PCDHB14: variants seen among roughly 807,000 people sequenced by gnomAD.
PCDHB14 encodes protocadherin beta-14.
For synonymous variants in PCDHB14, 511 were observed against 441.5 expected (o/e 1.16, Z -1.97); for missense variants, 1,129 against 1,000.5 (o/e 1.13, Z -1.73).
At position 141,225,050 on chromosome 5, in the gene PCDHB14, C is replaced by T. The variant is rs782056664; in HGVS notation, c.1545C>T (p.Ala515=). The stretch of plus-strand genomic sequence containing the variant: ...ACGCGGACAATGGCCACCTGTTTGC[C>T]CTCAGGTCGCTGGACTACGAGGCCC... ...SINADNGHLF[A]LRSLDYEALQ... is the part of the protein sequence containing the mutation. The change falls in exon 1 of 1, where the codon GCC becomes GCT. Residue 515 remains alanine, a synonymous_variant. Transcript: ENST00000239449. 1.2e-6 allele frequency: 2 copies of T among 1,612,568 alleles called. No homozygotes were observed. The highest frequency in any genetic ancestry group is 2.2e-5 in the East Asian group (1 of 44,888).
rs782722658 is a variant in PCDHB14 at position 141,225,214 on chromosome 5, C to T, written c.1709C>T (p.Ala570Val). The change falls in exon 1 of 1, where the codon GCG becomes GTG. Residue 570 changes from alanine to valine, a missense_variant. By Grantham distance (64) the Ala-to-Val change is moderately conservative. Transcript: ENST00000239449. Reference protein sequence around the residue: ...FVLYPLQNGSAPCTELVPRAA... With the variant: ...FVLYPLQNGSVPCTELVPRAA... Reference sequence around the variant, plus strand: ...CTGTACCCGCTGCAGAACGGCTCCGCGCCCTGCACCGAGCTGGTGCCCCGG... The same window carrying T: ...CTGTACCCGCTGCAGAACGGCTCCGTGCCCTGCACCGAGCTGGTGCCCCGG... 1.9e-5 allele frequency: 30 copies of T among 1,605,128 alleles called. No individual in the cohort carries two copies. The South Asian group carries it at 1.9e-4, about 10-fold the overall frequency.
chr5:141,224,636 C>T lies in PCDHB14; in HGVS notation c.1131C>T (p.Asp377=), dbSNP rs1554289210. The stretch of plus-strand genomic sequence containing the variant: ...GTATCCTAGACCAAGACTCTGGAGA[C>T]AATGGGAGGATGATTTGCTCTATTC... ...LFSILDQDSG[D]NGRMICSIQD... The change falls in exon 1 of 1, where the codon GAC becomes GAT. Residue 377 remains aspartate (D), a synonymous_variant. Coordinates refer to ENST00000239449, the MANE Select transcript of PCDHB14 (RefSeq NM_018934.4). 6.2e-7 allele frequency: 1 copy of T among 1,614,142 alleles called. No individual in the cohort carries two copies. The highest frequency in any genetic ancestry group is 1.1e-5 in the South Asian group (1 of 91,084).
Position 141,225,294 on chromosome 5 carries a change from G to A in PCDHB14, c.1789G>A (p.Gly597Ser), listed in dbSNP as rs1554289405. ...TKVVAVDGDS[G>S]QNAWLSYQLL... is the part of the protein sequence containing the mutation. ...GGTGGTGGCGGTGGACGGCGACTCG[G>A]GCCAGAACGCCTGGCTGTCGTACCA... Residue 597 changes from glycine to serine, a missense_variant, in exon 1 of 1, where the codon GGC (glycine) becomes AGC (serine). Coordinates refer to ENST00000239449, the MANE Select transcript of PCDHB14 (RefSeq NM_018934.4). 5.6e-6 allele frequency: 9 copies of A among 1,598,530 alleles called. No homozygotes were observed. The highest frequency in any genetic ancestry group is 7.6e-6 in the Non-Finnish European group (9 of 1,177,690).
rs782032049 is a variant in PCDHB14 at position 141,225,134 on chromosome 5, C to T, written c.1629C>T (p.Ser543=). 10 of 1,611,748 alleles carry T rather than the reference C, an allele frequency of 6.2e-6. No individual in the cohort carries two copies. In the Admixed American group the frequency reaches 1.7e-4, roughly 27 times the overall value. Residue 543 remains serine (S), a synonymous_variant, in exon 1 of 1, where the codon AGC becomes AGT. Transcript: ENST00000239449. ...ATDRGSPALS[S]EALVRVLVLD... is the part of the protein sequence containing the mutation. ...ACCGCGGGTCCCCGGCGTTGAGCAG[C>T]GAGGCGCTGGTGCGCGTGCTGGTGC...
Position 141,223,670 on chromosome 5 carries a change from G to C in PCDHB14, c.165G>C (p.Gly55=). The change falls in exon 1 of 1, where the codon GGG becomes GGC. Residue 55 remains glycine (G), a synonymous_variant. Transcript: ENST00000239449. ...VANLARDLGL[G]VEELSSREAR... ...ATCTAGCGAGGGACCTAGGGCTGGGGGTGGAGGAGCTGTCTTCACGTGAAG... is the reference window on the plus strand; with the variant it reads ...ATCTAGCGAGGGACCTAGGGCTGGGCGTGGAGGAGCTGTCTTCACGTGAAG... 6.2e-7 allele frequency: 1 copy of C among 1,614,146 alleles called. No homozygotes were observed. The highest frequency in any genetic ancestry group is 8.5e-7 in the Non-Finnish European group (1 of 1,180,018).
Position 141,226,834 on chromosome 5 carries a change from T to C in PCDHB14, c.*932T>C, listed in dbSNP as rs1374229747. ...CGATCTGCCCGCCTTAGCTAGTTTT[T>C]TGTTTTTGTTTTTTGAGACAAAGTC... On this transcript the variant is annotated 3_prime_UTR_variant, in exon 1 of 1. Coordinates refer to ENST00000239449, the MANE Select transcript of PCDHB14 (RefSeq NM_018934.4). 1 of 152,314 alleles carries C rather than the reference T, an allele frequency of 6.6e-6. No individual in the cohort carries two copies. The highest frequency in any genetic ancestry group is 1.5e-5 in the Non-Finnish European group (1 of 68,152). 9.4% of individuals were successfully genotyped at this position (152,314 alleles called of 1,614,324 possible).
rs1564003970 is a variant in PCDHB14, at chr5:141,226,876, G to C, written c.*974G>C. The C allele has an allele frequency of 6.6e-6, 1 of 152,284 alleles. No homozygotes were observed. Among genetic ancestry groups the C allele is most frequent in the East Asian group, 1.9e-4 (1 of 5,206 alleles). 9.4% of individuals were successfully genotyped at this position (152,284 alleles called of 1,614,324 possible). ...GACAAAGTCTCACTTTGTTGTCCAG[G>C]CTAGAGAGTAGTGGCAGGATCTTGG... On this transcript the variant is annotated 3_prime_UTR_variant, in exon 1 of 1. Coordinates refer to ENST00000239449, the MANE Select transcript of PCDHB14 (RefSeq NM_018934.4).
rs1412904261 is a variant in PCDHB14, at chr5:141,226,441, A to G, written c.*539A>G. 6.6e-6 allele frequency: 1 copy of G among 152,636 alleles called. No homozygotes were observed. The highest frequency in any genetic ancestry group is 1.9e-4 in the East Asian group (1 of 5,196). The allele number at this position is 152,636 out of a possible 1,614,324, so 9.5% of individuals were successfully genotyped here. On this transcript the variant is annotated 3_prime_UTR_variant, in exon 1 of 1. Coordinates refer to ENST00000239449, the MANE Select transcript of PCDHB14 (RefSeq NM_018934.4). ...TTTATGATGAAACTTAAGTGGTCAC[A>G]TTGGAAATTATTAATTTCTTAAGTA... is the stretch of plus-strand genomic sequence containing the variant.
chr5:141,225,592 C>A lies in PCDHB14; in HGVS notation c.2087C>A (p.Ser696Ter). 3 of 1,611,510 alleles carry A rather than the reference C, an allele frequency of 1.9e-6. No homozygotes were observed. The highest frequency in any genetic ancestry group is 2.5e-6 in the Non-Finnish European group (3 of 1,179,816). Residue 696 changes from serine (S) to a stop codon, truncating the protein, a stop_gained, in exon 1 of 1, where the codon TCG (serine) becomes TAG (stop). Transcript: ENST00000239449. LOFTEE classifies it low-confidence loss of function (END_TRUNC). The stretch of plus-strand genomic sequence containing the variant: ...GTCTACCTGGTGGTGGCATTGGCCT[C>A]GGTGTCGTCGCTCTTCCTCTTCTCG... ...LTVYLVVALA[S>*]VSSLFLFSVL...
At position 141,225,316 on chromosome 5, in the gene PCDHB14, A is replaced by G. The variant is rs782082546; in HGVS notation, c.1811A>G (p.Tyr604Cys). 3.7e-6 allele frequency: 6 copies of G among 1,600,530 alleles called. No homozygotes were observed. In the Admixed American group the frequency reaches 1.0e-4, roughly 27 times the overall value. Residue 604 changes from tyrosine (Y) to cysteine (C), a missense_variant, in exon 1 of 1, where the codon TAC (tyrosine) becomes TGC (cysteine). By Grantham distance (194) the Tyr-to-Cys change is radical (BLOSUM62 -2). Transcript: ENST00000239449. The stretch of plus-strand genomic sequence containing the variant: ...TCGGGCCAGAACGCCTGGCTGTCGT[A>G]CCAGCTGCTCAAGGCCACGGAGCCC... Reference protein sequence around the residue: ...GDSGQNAWLSYQLLKATEPGL... With the variant: ...GDSGQNAWLSCQLLKATEPGL...
chr5:141,224,807 G>A lies in PCDHB14; in HGVS notation c.1302G>A (p.Glu434=). 6.2e-7 allele frequency: 1 copy of A among 1,614,138 alleles called. No individual in the cohort carries two copies. Among genetic ancestry groups the A allele is most frequent in the Non-Finnish European group, 8.5e-7 (1 of 1,180,028 alleles). Residue 434 remains glutamate (E), a synonymous_variant, in exon 1 of 1, where the codon GAG becomes GAA. Transcript: ENST00000239449. ...TGGGGACACCCAGGCTGAAAACCGAGTACAACATAACCGTGCTGCTCTCTG... is the reference window on the plus strand; with the variant it reads ...TGGGGACACCCAGGCTGAAAACCGAATACAACATAACCGTGCTGCTCTCTG... The part of the protein sequence containing the change: ...TDLGTPRLKT[E]YNITVLLSDV...
Position 141,223,741 on chromosome 5 carries a change from T to A in PCDHB14, c.236T>A (p.Leu79Ter). Residue 79 changes from leucine to a stop codon, truncating the protein, a stop_gained, in exon 1 of 1, where the codon TTG (leucine) becomes TAG (stop). Transcript: ENST00000239449. LOFTEE classifies it low-confidence loss of function (END_TRUNC). Reference sequence around the variant, plus strand: ...AATAAAAAGTATTTGCACCTTGATTTGCTGACTGGGAATTTGCTCCTAAAT... The same window carrying A: ...AATAAAAAGTATTTGCACCTTGATTAGCTGACTGGGAATTTGCTCCTAAAT... Reference protein sequence around the residue: ...DDNKKYLHLDLLTGNLLLNEK... With the variant: ...DDNKKYLHLD 6.2e-7 allele frequency: 1 copy of A among 1,614,108 alleles called. No individual in the cohort carries two copies. The highest frequency in any genetic ancestry group is 8.5e-7 in the Non-Finnish European group (1 of 1,180,024).
At position 141,225,867 on chromosome 5, in the gene PCDHB14, A is replaced by C. The variant is rs782748118; in HGVS notation, c.2362A>C (p.Asn788His). 1.2e-6 allele frequency: 2 copies of C among 1,613,848 alleles called. No homozygotes were observed. Among genetic ancestry groups the C allele is most frequent in the East Asian group, 4.5e-5 (2 of 44,878 alleles). The change falls in exon 1 of 1, where the codon AAC becomes CAC. Residue 788 changes from asparagine (N) to histidine (H), a missense_variant. Transcript: ENST00000239449. Reference sequence around the variant, plus strand: ...TGGTAGGAATATGGGGGAAATCGAGAACTTTCGAAATAGCTTTGGACTTAA... The same window carrying C: ...TGGTAGGAATATGGGGGAAATCGAGCACTTTCGAAATAGCTTTGGACTTAA... ...DTGRNMGEIE[N>H]FRNSFGLNIQ
At position 141,223,972 on chromosome 5, in the gene PCDHB14, G is replaced by T; in HGVS notation, c.467G>T (p.Ser156Ile). The change falls in exon 1 of 1, where the codon AGT becomes ATT. Residue 156 changes from serine to isoleucine, a missense_variant. Ser to Ile is a moderately radical substitution (Grantham distance 142). Transcript: ENST00000239449. ...GTTGGAGCTACCTTTCTAATGGAGA[G>T]TGCTCAAGATTTGGATGTCGGAAGC... ...TTVGATFLME[S>I]AQDLDVGSNS... is the part of the protein sequence containing the mutation. The T allele has an allele frequency of 6.2e-7, 1 of 1,613,846 alleles. No homozygotes were observed. Among genetic ancestry groups the T allele is most frequent in the Non-Finnish European group, 8.5e-7 (1 of 1,179,906 alleles).
Position 141,223,637 on chromosome 5 carries a change from T to C in PCDHB14, c.132T>C (p.Phe44=). 1.2e-6 allele frequency: 2 copies of C among 1,614,182 alleles called. No individual in the cohort carries two copies. The highest frequency in any genetic ancestry group is 1.7e-6 in the Non-Finnish European group (2 of 1,180,024). The change falls in exon 1 of 1, where the codon TTT becomes TTC. Residue 44 remains phenylalanine (F), a synonymous_variant. Coordinates refer to ENST00000239449, the MANE Select transcript of PCDHB14 (RefSeq NM_018934.4). ...SVAEETEIGS[F]VANLARDLGL... ...CAGAGGAAACAGAAATTGGCTCTTT[T>C]GTGGCTAATCTAGCGAGGGACCTAG...
In PCDHB14 at chr5:141,223,539, AG is replaced by A. The variant is rs782649595; in HGVS notation, c.36del (p.Arg12SerfsTer4). Reference protein sequence around the residue: ...EIRGALDLRKRQVLIFLVLLG... With the variant: ...EIRGALDLRKXQVLIFLVLLG... The stretch of plus-strand genomic sequence containing the variant: ...CAGAGGGGCACTCGATCTGCGAAAA[AG>A]GCAAGTTCTAATATTCCTTGTTTTG... On this transcript the variant is annotated frameshift_variant, in exon 1 of 1. Coordinates refer to ENST00000239449, the MANE Select transcript of PCDHB14 (RefSeq NM_018934.4). LOFTEE classifies it low-confidence loss of function (END_TRUNC). The A allele has an allele frequency of 1.9e-6, 3 of 1,612,718 alleles. No homozygotes were observed. The highest frequency in any genetic ancestry group is 2.5e-6 in the Non-Finnish European group (3 of 1,178,938).
At position 141,225,170 on chromosome 5, in the gene PCDHB14, C is replaced by A; in HGVS notation, c.1665C>A (p.Asn555Lys). 6.2e-7 allele frequency: 1 copy of A among 1,610,940 alleles called. No homozygotes were observed. The highest frequency in any genetic ancestry group is 1.7e-5 in the Admixed American group (1 of 59,984). Residue 555 changes from asparagine (N) to lysine (K), a missense_variant, in exon 1 of 1, where the codon AAC becomes AAA. Asn to Lys is a moderately conservative substitution (Grantham distance 94). Coordinates refer to ENST00000239449, the MANE Select transcript of PCDHB14 (RefSeq NM_018934.4). ...TGCGCGTGCTGGTGCTGGACGCCAACGACAACTCGCCCTTCGTGCTGTACC... is the reference window on the plus strand; with the variant it reads ...TGCGCGTGCTGGTGCTGGACGCCAAAGACAACTCGCCCTTCGTGCTGTACC... Reference protein sequence around the residue: ...ALVRVLVLDANDNSPFVLYPL... With the variant: ...ALVRVLVLDAKDNSPFVLYPL...
At position 141,226,061 on chromosome 5, in the gene PCDHB14, T is replaced by C. The variant is rs1250480552; in HGVS notation, c.*159T>C. ...CTTTAAAAATCTTTATTAGTGGCTATAATGACGTGGAAATGTAATCTGTGT... is the reference window on the plus strand; with the variant it reads ...CTTTAAAAATCTTTATTAGTGGCTACAATGACGTGGAAATGTAATCTGTGT... On this transcript the variant is annotated 3_prime_UTR_variant, in exon 1 of 1. Transcript: ENST00000239449. 4 of 688,438 alleles carry C rather than the reference T, an allele frequency of 5.8e-6. No individual in the cohort carries two copies. The highest frequency in any genetic ancestry group is 9.5e-6 in the Non-Finnish European group (4 of 420,004). 42.6% of individuals were successfully genotyped at this position (688,438 alleles called of 1,614,324 possible). A position where few individuals can be genotyped will look rare whatever the true frequency, so the allele number is the denominator to read the frequency against.
At position 141,226,012 on chromosome 5, in the gene PCDHB14, T is replaced by C. The variant is rs1222855156; in HGVS notation, c.*110T>C. On this transcript the variant is annotated 3_prime_UTR_variant, in exon 1 of 1. Transcript: ENST00000239449. ...TGTACTGTAGTTGCATGCATGATTA[T>C]AGCTCTTGTTTTTCTCACAGTTTCT... is the stretch of plus-strand genomic sequence containing the variant. 3.2e-6 allele frequency: 3 copies of C among 941,866 alleles called. No individual in the cohort carries two copies. Among genetic ancestry groups the C allele is most frequent in the South Asian group, 1.8e-5 (1 of 55,770 alleles). 58.3% of individuals were successfully genotyped at this position (941,866 alleles called of 1,614,324 possible).
Sources: gnomAD v4.1 joint callset for allele counts on GRCh38, gnomAD v4.1.1 for gene constraint, MANE v1.5 for transcripts, NCBI Gene and HGNC (gene_info 2026-07-23, HGNC 2026-07-21) for gene names.